Variants in PPP2R2D observed in about 807,000 individuals in gnomAD.
The protein encoded by PPP2R2D is serine/threonine-protein phosphatase 2A 55 kDa regulatory subunit B delta isoform.
A neutral mutation model predicts 31.1 loss-of-function variants in PPP2R2D; 9 were observed. That is an observed-to-expected ratio of 0.29 (90% CI 0.17 to 0.51). The LOEUF is 0.51. Among genes scored for constraint, PPP2R2D ranks in the 20% least tolerant of loss-of-function variants. The pLI, the probability that PPP2R2D is intolerant of heterozygous loss-of-function variation, is 0.98. For missense variants in PPP2R2D, 391 were observed against 465.6 expected, an observed-to-expected ratio of 0.84 and a Z score of 1.48; for synonymous variants, 179 against 172.6, an observed-to-expected ratio of 1.04 and a Z score of -0.29.
In PPP2R2D at chr10:131,915,605, C is replaced by G. The variant is rs77135682; in HGVS notation, c.100+14275C>G. 5.6e-4 allele frequency among the ~76,000 whole-genome samples: 86 copies of G among 152,240 alleles called. 1 individual carries two copies. The East Asian group carries it at 0.015, about 26-fold the overall frequency. On this transcript the variant is annotated intron_variant, in intron 2 of 8. Transcript: ENST00000455566. Reference sequence around the variant, plus strand: ...CTGTGAAATTGGTTCATAGCCTGTCCCTGCTCTTGAGTGTTTATCCAAATA... The same window carrying G: ...CTGTGAAATTGGTTCATAGCCTGTCGCTGCTCTTGAGTGTTTATCCAAATA...
intron 2 of PPP2R2D, among the ~76,000 whole-genome samples, chr10:131,920,194 T>A (rs2035950566): frequency 7.3e-6 from 1 of 137,082 alleles, no homozygotes; most frequent in African/African-American, 2.9e-5. Context: ...CTGACGTGGG[T>A]GGAATGACAC....
chr10:131,923,813 AG>A (rs1281096073), intron 2 of PPP2R2D, among the ~76,000 whole-genome samples: 9 of 152,206 alleles, frequency 5.9e-5, no homozygotes, highest in African/African-American at 2.2e-4. Flanking sequence ...CCCAGGCTAG[AG>A]TGCAGTGGTG....
intron 2 of PPP2R2D, among the ~76,000 whole-genome samples, chr10:131,907,546 CT>C (rs1487333398): frequency 1.3e-5 from 2 of 152,086 alleles, no homozygotes; most frequent in African/African-American, 4.8e-5. Context: ...CGAGACCATC[CT>C]GGCTAACAGG....
intron 2 of PPP2R2D, among the ~76,000 whole-genome samples, chr10:131,934,142 T>C (rs1245934193): frequency 1.3e-5 from 2 of 152,222 alleles, no homozygotes; most frequent in African/African-American, 4.8e-5. Flanking sequence ...TTTTTTTCTT[T>C]TACAGATGAA....
In PPP2R2D at chr10:131,943,011, T is replaced by C. The variant is rs149688577; in HGVS notation, c.478-957T>C. On this transcript the variant is annotated intron_variant, in intron 5 of 8. Coordinates refer to ENST00000455566, the MANE Select transcript of PPP2R2D (RefSeq NM_018461.5). ...GAGAGCTTTTCTTTTTCCCCTAAGC[T>C]TTCAAGGCTCTCCCTTTTGGTTTCT... 4.5e-3 allele frequency among the ~76,000 whole-genome samples: 683 copies of C among 152,336 alleles called. 4 individuals are homozygous for C. Among genetic ancestry groups the C allele is most frequent in the African/African-American group, 0.015 (623 of 41,574 alleles).
At chr10:131,939,021 A>G (rs2036393739) in intron 3 of PPP2R2D, among the ~76,000 whole-genome samples, 1 of 152,260 alleles carries the variant, frequency 6.6e-6, no homozygotes, top group Admixed American at 6.5e-5. Flanking sequence ...AGCCAGAGAC[A>G]GTATGTGCAC....
rs782220395 is a variant in PPP2R2D at position 131,945,535 on chromosome 10, C to T, written c.820+76C>T. 1.3e-5 allele frequency: 20 copies of T among 1,490,042 alleles called. No individual in the cohort carries two copies. The highest frequency in any genetic ancestry group is 2.3e-4 in the Middle Eastern group (1 of 4,370). The allele number at this position is 1,490,042 out of a possible 1,614,324, so 92.3% of individuals were successfully genotyped here. On this transcript the variant is annotated intron_variant, in intron 7 of 8. Transcript: ENST00000455566. This position sits in a 1 kb window ranked among gnomAD's most constrained non-coding sequence, Gnocchi z 4.8. ...GGTGCAGTGACACAGTCTCGGCTCACGGCAAGCTCCGCCTCCCGGGTTCCA... is the reference window on the plus strand; with the variant it reads ...GGTGCAGTGACACAGTCTCGGCTCATGGCAAGCTCCGCCTCCCGGGTTCCA...
In PPP2R2D at chr10:131,957,583, T is replaced by C. The variant is rs1315270131; in HGVS notation, c.*1620T>C. The C allele has an allele frequency of 2.5e-5, 4 of 162,346 alleles. No homozygotes were observed. Among genetic ancestry groups the C allele is most frequent in the Non-Finnish European group, 3.8e-5 (3 of 79,418 alleles). The allele number at this position is 162,346 out of a possible 1,614,324, so 10.1% of individuals were successfully genotyped here. On this transcript the variant is annotated 3_prime_UTR_variant, in exon 9 of 9. Coordinates refer to ENST00000455566, the MANE Select transcript of PPP2R2D (RefSeq NM_018461.5). ...GATGAAGGTGCGTGCTGATCCCCCA[T>C]CTCCCTGTGGAGATGAAGGTGTGTG...
chr10:131,935,796 G>T (rs1163596979), intron 3 of PPP2R2D, among the ~76,000 whole-genome samples: 1 of 152,154 alleles, frequency 6.6e-6, no homozygotes, highest in Non-Finnish European at 1.5e-5. Flanking sequence ...AGGCGCAGTG[G>T]CTCACGCCTG....
At chr10:131,932,664 AAAAACACAC>A (rs1264137755) in intron 2 of PPP2R2D, among the ~76,000 whole-genome samples, 2 of 144,652 alleles carry the variant, frequency 1.4e-5, no homozygotes, top group African/African-American at 5.6e-5. Flanking sequence ...AAAAAAAAAA[AAAAACACAC>A]AAAAAAAACC....
chr10:131,948,659 C>T (rs782170107), intron 8 of PPP2R2D, among the ~76,000 whole-genome samples: 9 of 152,318 alleles, frequency 5.9e-5, no homozygotes, highest in Middle Eastern at 6.8e-3. Flanking sequence ...CTTGCAGCCC[C>T]GGCTGGCCTC....
chr10:131,920,220 C>T (rs28571631), intron 2 of PPP2R2D, among the ~76,000 whole-genome samples: 3 of 140,856 alleles, frequency 2.1e-5, no homozygotes, highest in African/African-American at 8.2e-5. Context: ...AGGGACCTCA[C>T]GCGGGTGGAA....
intron 2 of PPP2R2D, among the ~76,000 whole-genome samples, chr10:131,906,325 G>T (rs1394118087): frequency 6.6e-6 from 1 of 152,200 alleles, no homozygotes. Context: ...AGTTTTAAGT[G>T]TATTGGGGTT....
chr10:131,912,020 G>C (rs1287715486), intron 2 of PPP2R2D: 1 of 152,164 alleles, frequency 6.6e-6, no homozygotes, highest in Non-Finnish European at 1.5e-5. Context: ...AGGACCCACT[G>C]CTCCTAACTG....
intron 2 of PPP2R2D, among the ~76,000 whole-genome samples, chr10:131,903,172 A>T (rs1451438534): frequency 2.0e-5 from 3 of 152,008 alleles, no homozygotes; most frequent in Non-Finnish European, 4.4e-5. Flanking sequence ...TTCTTTCTTT[A>T]AAAAAAATCT....
intron 8 of PPP2R2D, among the ~76,000 whole-genome samples, chr10:131,955,309 A>G (rs1554899727): frequency 6.6e-6 from 1 of 152,242 alleles, no homozygotes; most frequent in Non-Finnish European, 1.5e-5. Context: ...TGAACATGAT[A>G]AGGATTATGT....
chr10:131,938,879 C>A (rs1026797727), intron 3 of PPP2R2D, among the ~76,000 whole-genome samples: 3 of 152,236 alleles, frequency 2.0e-5, no homozygotes, highest in African/African-American at 7.2e-5. Flanking sequence ...GCTCCTCAGG[C>A]CCGTGCTGGC....
chr10:131,934,492 T>C lies in PPP2R2D; in HGVS notation c.135T>C (p.Ser45=), dbSNP rs2119819906. The C allele has an allele frequency of 2.6e-6, 2 of 780,606 alleles. No homozygotes were observed. The highest frequency in any genetic ancestry group is 1.7e-5 in the African/African-American group (1 of 59,266). The allele number at this position is 780,606 out of a possible 1,614,324, so 48.4% of individuals were successfully genotyped here. A position where few individuals can be genotyped will look rare whatever the true frequency, so the allele number is the denominator to read the frequency against. The part of the protein sequence containing the change: ...DIISTVEFNY[S]GDLLATGDKG... ...TTTCCACCGTTGAGTTTAATTACTC[T>C]GGAGATCTTCTTGCAACAGGAGACA... is the stretch of plus-strand genomic sequence containing the variant. The change falls in exon 3 of 9, where the codon TCT becomes TCC. Residue 45 remains serine, a synonymous_variant. Coordinates refer to ENST00000455566, the MANE Select transcript of PPP2R2D (RefSeq NM_018461.5).
intron 2 of PPP2R2D, among the ~76,000 whole-genome samples, chr10:131,908,581 C>T (rs898712885): frequency 1.1e-4 from 16 of 152,164 alleles, no homozygotes; most frequent in South Asian, 2.1e-4. Context: ...GAATTGTGCA[C>T]GTGGAATTTG....
Sources: gnomAD v4.1 joint callset for allele counts (sites outside exome capture counted in the v4.1 genomes callset) on GRCh38, gnomAD v4.1.1 for gene constraint, Gnocchi (gnomAD v3.1) non-coding constraint, MANE v1.5 for transcripts, NCBI Gene and HGNC (gene_info 2026-07-23, HGNC 2026-07-21) for gene names.